RAB3GAP2: variants seen among roughly 807,000 people sequenced by gnomAD.
The protein encoded by RAB3GAP2 is RAB3 GTPase activating non-catalytic protein subunit 2.
RAB3GAP2 carries 87 observed loss-of-function variants against 185.3 expected under a neutral mutation model. That is an observed-to-expected ratio of 0.47 (90% CI 0.39 to 0.56). The LOEUF (loss-of-function observed/expected upper bound fraction) is 0.56, where lower values mean the gene tolerates loss of function less well. Ranked by LOEUF, RAB3GAP2 falls within the 20% of genes least tolerant of loss-of-function variation. The pLI, the probability that RAB3GAP2 is intolerant of heterozygous loss-of-function variation, is 0.00. For synonymous variants in RAB3GAP2, 554 were observed against 576.1 expected, an observed-to-expected ratio of 0.96 and a Z score of 0.55; for missense variants, 1,492 against 1,638.2, an observed-to-expected ratio of 0.91 and a Z score of 1.54.
At chr1:220,211,157 C>CTG (rs917914604) in intron 4 of RAB3GAP2, 155 bp from the exon 5 acceptor site, 17 of 735,678 alleles carry the variant, frequency 2.3e-5, no homozygotes, top group Middle Eastern at 3.4e-4. Flanking sequence ...AACTCCACCA[C>CTG]TGGTAAGGTC....
At chr1:220,244,503 G>A (rs1250046649) in intron 1 of RAB3GAP2, among the ~76,000 whole-genome samples, 1 of 152,044 alleles carries the variant, frequency 6.6e-6, no homozygotes, top group Non-Finnish European at 1.5e-5. Flanking sequence ...CACATTCAAT[G>A]CAATTTCCAT....
chr1:220,217,060 T>C (rs975957186), intron 2 of RAB3GAP2, among the ~76,000 whole-genome samples: 1 of 152,000 alleles, frequency 6.6e-6, no homozygotes. Context: ...ATAAAGAAAA[T>C]GGAGTCTCGG....
chr1:220,234,890 C>T (rs1558165076), intron 1 of RAB3GAP2, among the ~76,000 whole-genome samples: 2 of 152,230 alleles, frequency 1.3e-5, no homozygotes, highest in African/African-American at 4.8e-5. Flanking sequence ...TGACGACTAA[C>T]ATGTATTAAA....
chr1:220,261,590 A>T (rs767412723), intron 1 of RAB3GAP2, among the ~76,000 whole-genome samples: 8 of 152,244 alleles, frequency 5.3e-5, no homozygotes, highest in Admixed American at 2.6e-4. Flanking sequence ...AATAGTCTCA[A>T]ACTCCACTGC....
At chr1:220,252,243 A>AT (rs1659947680) in intron 1 of RAB3GAP2, among the ~76,000 whole-genome samples, 1 of 151,596 alleles carries the variant, frequency 6.6e-6, no homozygotes, top group Admixed American at 6.6e-5. Context: ...AAAGATATAG[A>AT]TATTATATAA....
chr1:220,189,047 A>T (rs961714786), intron 17 of RAB3GAP2, among the ~76,000 whole-genome samples: 3 of 152,142 alleles, frequency 2.0e-5, no homozygotes, highest in African/African-American at 7.2e-5. Context: ...AAAAAGAAAG[A>T]ACCACAAAAT....
intron 8 of RAB3GAP2, among the ~76,000 whole-genome samples, chr1:220,202,713 C>G (rs1014031110): frequency 1.3e-5 from 2 of 152,140 alleles, no homozygotes; most frequent in African/African-American, 4.8e-5. Context: ...GAGGCCGAGG[C>G]AGGCAGGTCG....
At chr1:220,200,792 G>A in intron 9 of RAB3GAP2, 1 of 370,440 alleles carries the variant, frequency 2.7e-6, no homozygotes, top group Non-Finnish European at 5.5e-6. Flanking sequence ...GATGGCCTGT[G>A]TGTCAGATAT....
chr1:220,246,778 G>C (rs935754574), intron 1 of RAB3GAP2, among the ~76,000 whole-genome samples: 1 of 117,002 alleles, frequency 8.5e-6, no homozygotes, highest in Admixed American at 9.5e-5. Context: ...CGTGGGGTGG[G>C]GGGAGGGGGG....
intron 1 of RAB3GAP2, among the ~76,000 whole-genome samples, chr1:220,264,998 G>A (rs1660204627): frequency 6.6e-6 from 1 of 152,058 alleles, no homozygotes; most frequent in South Asian, 2.1e-4. Flanking sequence ...CCTGAATGAA[G>A]AAACTGAAGA....
intron 21 of RAB3GAP2, among the ~76,000 whole-genome samples, chr1:220,175,008 T>G (rs542283575): frequency 3.9e-5 from 6 of 152,334 alleles, no homozygotes; most frequent in African/African-American, 1.2e-4. Context: ...CCTATACAGT[T>G]AACAAAGACA....
At chr1:220,239,091 T>C (rs977416246) in intron 1 of RAB3GAP2, among the ~76,000 whole-genome samples, 29 of 152,218 alleles carry the variant, frequency 1.9e-4, no homozygotes, top group Admixed American at 1.8e-3. Flanking sequence ...TTTTATAATA[T>C]AATGAACAAA....
intron 10 of RAB3GAP2, among the ~76,000 whole-genome samples, 190 bp from the exon 11 acceptor site, chr1:220,195,567 T>TA (rs762326789): frequency 2.6e-5 from 4 of 152,224 alleles, no homozygotes; most frequent in Non-Finnish European, 4.4e-5. Flanking sequence ...CTCTATAGTT[T>TA]AAAAATAAAA....
intron 26 of RAB3GAP2, among the ~76,000 whole-genome samples, chr1:220,166,702 G>T (rs192070488): frequency 3.4e-4 from 52 of 152,294 alleles, no homozygotes; most frequent in Non-Finnish European, 6.2e-4. Context: ...CCTGAGCAGA[G>T]AGCTGAGAGG....
chr1:220,156,556 TG>T (rs1203519747), intron 31 of RAB3GAP2, among the ~76,000 whole-genome samples: 1 of 152,192 alleles, frequency 6.6e-6, no homozygotes, highest in East Asian at 1.9e-4. Flanking sequence ...CAATTAAACC[TG>T]TCTCTTAGGA....
chr1:220,230,732 T>C (rs1424279050), intron 2 of RAB3GAP2, among the ~76,000 whole-genome samples: 1 of 152,206 alleles, frequency 6.6e-6, no homozygotes, highest in Admixed American at 6.5e-5. Flanking sequence ...ATTATGGATA[T>C]TTAAAAATAT....
At chr1:220,210,245 T>C (rs192845463) in intron 7 of RAB3GAP2, 143 bp downstream of exon 7, 1 of 748,516 alleles carries the variant, frequency 1.3e-6, no homozygotes, top group East Asian at 2.5e-5. Flanking sequence ...TACAAATAGA[T>C]TATATTTCTA....
intron 27 of RAB3GAP2, among the ~76,000 whole-genome samples, chr1:220,164,071 TA>T (rs1320312896): frequency 1.1e-4 from 16 of 152,182 alleles, no homozygotes; most frequent in Non-Finnish European, 4.4e-5. Flanking sequence ...ACAAGTTCAA[TA>T]TTTTTTCAAG....
chr1:220,225,384 G>A (rs1659385593), intron 2 of RAB3GAP2, among the ~76,000 whole-genome samples: 1 of 152,174 alleles, frequency 6.6e-6, no homozygotes, highest in Non-Finnish European at 1.5e-5. Flanking sequence ...AAGACAGACT[G>A]GGAGGGTTAC....
Sources: allele counts gnomAD v4.1 joint callset (sites outside exome capture counted in the v4.1 genomes callset), GRCh38; gene constraint gnomAD v4.1.1; transcripts MANE v1.5; gene names NCBI Gene and HGNC (gene_info 2026-07-23, HGNC 2026-07-21).